Variants in MKLN1 observed in about 807,000 individuals in gnomAD.
MKLN1 encodes the protein muskelin 1, also known as muskelin.
A neutral mutation model predicts 99.0 loss-of-function variants in MKLN1; 18 were observed. That is an observed-to-expected ratio of 0.18 (90% CI 0.13 to 0.27). The LOEUF (loss-of-function observed/expected upper bound fraction) is 0.27, where lower values mean the gene tolerates loss of function less well. Ranked by LOEUF, MKLN1 falls within the 10% of genes least tolerant of loss-of-function variation. The pLI is 1.00. For missense variants in MKLN1, 621 were observed against 875.9 expected, an observed-to-expected ratio of 0.71 and a Z score of 3.67; for synonymous variants, 288 against 293.2, an observed-to-expected ratio of 0.98 and a Z score of 0.18.
intron 3 of MKLN1, among the ~76,000 whole-genome samples, chr7:131,262,862 T>C (rs1563271301): frequency 6.6e-6 from 1 of 152,096 alleles, no homozygotes; most frequent in African/African-American, 2.4e-5. Context: ...TTATGTTTCT[T>C]AAGGCTCTTT....
chr7:131,466,820 A>G (rs1584772730), intron 15 of MKLN1, among the ~76,000 whole-genome samples: 1 of 152,208 alleles, frequency 6.6e-6, no homozygotes, highest in Non-Finnish European at 1.5e-5. Context: ...GTGTCACAAT[A>G]CAATTTCAAA....
rs77773916 is a variant in MKLN1, at chr7:131,276,238, C to T, written c.-179+73264C>T. On this transcript the variant is annotated intron_variant, in intron 3 of 7. Coordinates refer to the MKLN1 transcript ENST00000416992. ...TCAGGTGCTGGTGGGAAGGTAAAGG[C>T]AGCTTCCGAGCACAAAAGGTTGGGA... is the stretch of plus-strand genomic sequence containing the variant. Among the ~76,000 whole-genome samples the T allele has an allele frequency of 2.6e-5, 4 of 152,158 alleles. No individual in the cohort carries two copies. The East Asian group carries it at 7.7e-4, about 29-fold the overall frequency.
At chr7:131,410,613 G>A (rs1264012004) in intron 6 of MKLN1, among the ~76,000 whole-genome samples, 1 of 152,066 alleles carries the variant, frequency 6.6e-6, no homozygotes, top group Non-Finnish European at 1.5e-5. Context: ...GGATATGGGT[G>A]GCAAAAAGTA....
At chr7:131,359,568 TACTG>T in intron 1 of MKLN1, among the ~76,000 whole-genome samples, 1 of 152,288 alleles carries the variant, frequency 6.6e-6, no homozygotes, top group African/African-American at 2.4e-5. Context: ...GTCTGTCTAT[TACTG>T]ACAGGGATAT....
intron 9 of MKLN1, 59 bp downstream of exon 9, chr7:131,429,204 T>C (rs1795450995): frequency 9.0e-7 from 1 of 1,116,414 alleles, no homozygotes; most frequent in South Asian, 1.4e-5. Context: ...TGTGCACTTG[T>C]TTTTCGGCAT....
intron 14 of MKLN1, among the ~76,000 whole-genome samples, chr7:131,465,332 A>T (rs1345717208): frequency 6.6e-6 from 1 of 152,188 alleles, no homozygotes; most frequent in Non-Finnish European, 1.5e-5. Flanking sequence ...TCTACCACTT[A>T]CGAAAGTGAT....
At chr7:131,263,341 A>AATT (rs35339066) in intron 3 of MKLN1, among the ~76,000 whole-genome samples, 23 of 144,450 alleles carry the variant, frequency 1.6e-4, no homozygotes, top group African/African-American at 3.5e-4. Context: ...TCATCTCTAC[A>AATT]ATTATTAATA....
In MKLN1 at chr7:131,328,632, AG is replaced by A. The variant is rs895144177; in HGVS notation, c.98+638del. On this transcript the variant is annotated intron_variant, in intron 1 of 17. Transcript: ENST00000352689. ...CTGAAAAAGATAGGGAGTGGGAAGGAGGGACGTTACCGAAGAATTTCAGTAT... is the reference window on the plus strand; with the variant it reads ...CTGAAAAAGATAGGGAGTGGGAAGGAGGACGTTACCGAAGAATTTCAGTAT... Among the ~76,000 whole-genome samples, 13 of 152,116 alleles carry A rather than the reference AG, an allele frequency of 8.5e-5. 1 individual carries two copies. Among genetic ancestry groups the A allele is most frequent in the Admixed American group, 7.2e-4 (11 of 15,264 alleles).
intron 6 of MKLN1, among the ~76,000 whole-genome samples, chr7:131,404,425 A>G (rs189126254): frequency 6.6e-6 from 1 of 152,156 alleles, no homozygotes; most frequent in East Asian, 1.9e-4. Context: ...GGCTCAGGCT[A>G]TCCTCCTGCC....
intron 3 of MKLN1, among the ~76,000 whole-genome samples, chr7:131,262,523 C>G (rs1301475987): frequency 3.3e-5 from 5 of 152,044 alleles, no homozygotes; most frequent in African/African-American, 1.2e-4. Flanking sequence ...TCCACTATTT[C>G]ATTTTGTTAT....
chr7:131,255,120 T>C (rs559616722), intron 3 of MKLN1, among the ~76,000 whole-genome samples: 2 of 152,130 alleles, frequency 1.3e-5, no homozygotes, highest in Non-Finnish European at 2.9e-5. Flanking sequence ...TTAAAAAAAA[T>C]TTTGTGGAGA....
intron 2 of MKLN1, among the ~76,000 whole-genome samples, chr7:131,185,306 G>A (rs568025139): frequency 5.5e-4 from 83 of 152,072 alleles, no homozygotes; most frequent in African/African-American, 1.8e-3. Context: ...GGCCCGGCAC[G>A]GTGGCTCACA....
chr7:131,326,421 T>G (rs1168538167), upstream of MKLN1, among the ~76,000 whole-genome samples: 1 of 152,254 alleles, frequency 6.6e-6, no homozygotes, highest in Non-Finnish European at 1.5e-5. Context: ...CTTGGCTCAC[T>G]GCAACCTCTG....
rs137898411 is a variant in MKLN1 at position 131,201,762 on chromosome 7, CTTCTT to C, written c.-296-1092_-296-1088del. Among the ~76,000 whole-genome samples, 764 of 152,284 alleles carry C rather than the reference CTTCTT, an allele frequency of 5.0e-3. 8 individuals carry two copies. The highest frequency in any genetic ancestry group is 0.018 in the African/African-American group (730 of 41,560). On this transcript the variant is annotated intron_variant, in intron 2 of 7. Transcript: ENST00000416992. ...CTAGGAGTGCCTTAATGATATGACT[CTTCTT>C]TTAGCTTCTGACAAATGAGTGTTGC...
chr7:131,192,229 CAA>C (rs1563247579), intron 2 of MKLN1, among the ~76,000 whole-genome samples: 2,283 of 61,010 alleles, frequency 0.037, 61 homozygotes, highest in Admixed American at 0.05. Flanking sequence ...AAAATATATA[CAA>C]TATATAAATA....
intron 3 of MKLN1, among the ~76,000 whole-genome samples, chr7:131,291,695 A>T (rs1245192887): frequency 6.7e-6 from 1 of 150,170 alleles, no homozygotes; most frequent in Admixed American, 6.6e-5. Context: ...TCCCATGGGG[A>T]ATAATCACAG....
At chr7:131,363,914 A>C (rs929899187) in intron 1 of MKLN1, among the ~76,000 whole-genome samples, 5 of 152,222 alleles carry the variant, frequency 3.3e-5, no homozygotes, top group African/African-American at 1.2e-4. Context: ...CCTATCTCAT[A>C]TACCATGGTG....
intron 2 of MKLN1, among the ~76,000 whole-genome samples, chr7:131,382,302 T>C (rs1314901712): frequency 6.6e-6 from 1 of 152,002 alleles, no homozygotes; most frequent in East Asian, 1.9e-4. Flanking sequence ...GAGGCGGAGG[T>C]TGCAGTGAGC....
At position 131,305,136 on chromosome 7, in the gene MKLN1, GAATCTCT is replaced by G. The variant is rs1333751234; in HGVS notation, c.-178-70286_-178-70280del. Reference sequence around the variant, plus strand: ...TCCAACCACCAGAACTGTGAGAAATGAATCTCTATTCTTTATGTGTTACCCAGTCTCA... The same window carrying G: ...TCCAACCACCAGAACTGTGAGAAATGATTCTTTATGTGTTACCCAGTCTCA... On this transcript the variant is annotated intron_variant, in intron 3 of 7. Transcript: ENST00000416992. Among the ~76,000 whole-genome samples, 4 of 152,284 alleles carry G rather than the reference GAATCTCT, an allele frequency of 2.6e-5. No individual in the cohort carries two copies. In the South Asian group the frequency reaches 8.3e-4, roughly 32 times the overall value.
Sources: gnomAD v4.1 joint callset for allele counts (sites outside exome capture counted in the v4.1 genomes callset) on GRCh38, gnomAD v4.1.1 for gene constraint, MANE v1.5 for transcripts, NCBI Gene and HGNC (gene_info 2026-07-23, HGNC 2026-07-21) for gene names.